Variants in NRF1 observed in about 807,000 individuals in gnomAD.
NRF1 encodes nuclear respiratory factor 1.
In NRF1, 5 loss-of-function variants were observed where a neutral mutation model predicts 58.5. The observed-to-expected ratio is 0.09, with a 90% CI of 0.04 to 0.18. The LOEUF is 0.18. NRF1 is among the 10% of genes least tolerant of loss of function. NRF1 has a pLI of 1.00. For synonymous variants in NRF1, 224 were observed against 246.7 expected (o/e 0.91, Z 0.86); for missense variants, 288 against 657.7 (o/e 0.44, Z 6.15).
intron 1 of NRF1, among the ~76,000 whole-genome samples, chr7:129,626,158 T>A (rs1462819883): frequency 6.6e-6 from 1 of 152,184 alleles, no homozygotes; most frequent in Non-Finnish European, 1.5e-5. Flanking sequence ...ATAATGCCTT[T>A]ATTATTGATT....
chr7:129,686,217 C>A (rs12538553), intron 4 of NRF1, among the ~76,000 whole-genome samples: 23,292 of 151,802 alleles, frequency 0.15, 1,906 homozygotes, highest in African/African-American at 0.22. Context: ...CAAAGTTGCT[C>A]AGTATAGGAC....
chr7:129,679,598 C>T (rs1802260110), intron 4 of NRF1, among the ~76,000 whole-genome samples: 1 of 150,986 alleles, frequency 6.6e-6, no homozygotes, highest in Non-Finnish European at 1.5e-5. Context: ...TGGCACATGC[C>T]TGTAGTCCCA....
intron 1 of NRF1, among the ~76,000 whole-genome samples, chr7:129,648,481 G>T (rs529528280): frequency 1.3e-4 from 19 of 151,844 alleles, no homozygotes; most frequent in Middle Eastern, 6.8e-3. Context: ...GGGTTTCACC[G>T]TGTTAGCCAG....
Position 129,755,031 on chromosome 7 carries a change from C to T in NRF1, c.1362C>T (p.Ile454=). The part of the protein sequence containing the change: ...GVQDANGLVQ[I]PVSMYQTVVT... ...TTGTCTCTCCAGGCCTGGTCCAGATCCCTGTGAGCATGTACCAGACTGTGG... is the reference window on the plus strand; with the variant it reads ...TTGTCTCTCCAGGCCTGGTCCAGATTCCTGTGAGCATGTACCAGACTGTGG... The change falls in exon 11 of 11, where the codon ATC becomes ATT. Residue 454 remains isoleucine (I), a synonymous_variant. Transcript: ENST00000393232. The surrounding 1 kb of genome is among the most constrained non-coding windows in gnomAD (Gnocchi z 5.8). The T allele has an allele frequency of 6.2e-7, 1 of 1,611,092 alleles. No individual in the cohort carries two copies. Among genetic ancestry groups the T allele is most frequent in the Non-Finnish European group, 8.5e-7 (1 of 1,178,920 alleles).
rs574140854 is a variant in NRF1, at chr7:129,711,276, T to C, written c.964-199T>C. Among the ~76,000 whole-genome samples the C allele has an allele frequency of 3.3e-5, 5 of 152,326 alleles. No homozygotes were observed. The South Asian group carries it at 8.3e-4, about 25-fold the overall frequency. On this transcript the variant is annotated intron_variant, in intron 7 of 10. Coordinates refer to ENST00000393232, the MANE Select transcript of NRF1 (RefSeq NM_005011.5). ...TGATAGCTTTTCTCATATGGACTTATTTGGTTGAAGTAAAATTCTGAAACT... is the reference window on the plus strand; with the variant it reads ...TGATAGCTTTTCTCATATGGACTTACTTGGTTGAAGTAAAATTCTGAAACT...
chr7:129,682,159 G>C (rs1802329114), intron 4 of NRF1, among the ~76,000 whole-genome samples: 1 of 150,850 alleles, frequency 6.6e-6, no homozygotes, highest in Non-Finnish European at 1.5e-5. Flanking sequence ...AAGGAAAAAA[G>C]ATAGTTAAAA....
chr7:129,744,199 C>A, intron 10 of NRF1: 1 of 1,542,778 alleles, frequency 6.5e-7, no homozygotes, highest in South Asian at 1.2e-5. Flanking sequence ...TCGTGCAGGT[C>A]GCAAGTGGAT....
chr7:129,634,059 T>TACACACAC lies in NRF1; in HGVS notation c.-7+22236_-7+22237insCACACACA, dbSNP rs1358874411. The stretch of plus-strand genomic sequence containing the variant: ...AAAAAAAAAGATATATATATATATA[T>TACACACAC]ATACACACACACACACACACACACA... On this transcript the variant is annotated intron_variant, in intron 1 of 10. Coordinates refer to ENST00000393232, the MANE Select transcript of NRF1 (RefSeq NM_005011.5). Among the ~76,000 whole-genome samples, 837 of 124,754 alleles carry TACACACAC rather than the reference T, an allele frequency of 6.7e-3. 4 individuals carry two copies. The highest frequency in any genetic ancestry group is 0.02 in the Middle Eastern group (5 of 244). 81.8% of individuals were successfully genotyped at this position (124,754 alleles called of 152,430 possible).
intron 4 of NRF1, among the ~76,000 whole-genome samples, chr7:129,688,785 A>G (rs1272977618): frequency 6.6e-6 from 1 of 152,162 alleles, no homozygotes; most frequent in East Asian, 1.9e-4. Flanking sequence ...AGAACTCACT[A>G]TCACGAGAAC....
At chr7:129,615,085 T>C (rs953481883) in intron 1 of NRF1, among the ~76,000 whole-genome samples, 3 of 152,218 alleles carry the variant, frequency 2.0e-5, no homozygotes, top group Non-Finnish European at 2.9e-5. Context: ...AAATTAAAAT[T>C]TTTCCCTGAG....
chr7:129,677,275 A>G (rs1355146371), intron 3 of NRF1, among the ~76,000 whole-genome samples: 1 of 152,086 alleles, frequency 6.6e-6, no homozygotes, highest in Admixed American at 6.5e-5. Context: ...TGGCCTCCCA[A>G]AGTGCTGGGA....
At chr7:129,668,197 A>G (rs192208065) in intron 2 of NRF1, among the ~76,000 whole-genome samples, 77 of 152,014 alleles carry the variant, frequency 5.1e-4, no homozygotes, top group African/African-American at 1.6e-3. Flanking sequence ...ACTTTTTTTT[A>G]TCTTTCTGAC....
chr7:129,707,115 T>C (rs1802967568), intron 5 of NRF1, among the ~76,000 whole-genome samples: 1 of 152,096 alleles, frequency 6.6e-6, no homozygotes, highest in African/African-American at 2.4e-5. Flanking sequence ...TGCCTCAGCC[T>C]CTCTAGTAGC....
At chr7:129,681,067 A>G (rs1158295346) in intron 4 of NRF1, among the ~76,000 whole-genome samples, 1 of 152,208 alleles carries the variant, frequency 6.6e-6, no homozygotes, top group Non-Finnish European at 1.5e-5. Flanking sequence ...TTATCCAGGT[A>G]GGCCCTAAAT....
intron 3 of NRF1, among the ~76,000 whole-genome samples, chr7:129,675,847 G>GTCA (rs1802165391): frequency 6.6e-6 from 1 of 152,172 alleles, no homozygotes; most frequent in Non-Finnish European, 1.5e-5. Flanking sequence ...TAACAAGAGA[G>GTCA]TCAACCTGTC....
chr7:129,697,184 C>T (rs1272315913), intron 5 of NRF1, among the ~76,000 whole-genome samples: 1 of 143,312 alleles, frequency 7.0e-6, no homozygotes, highest in Non-Finnish European at 1.6e-5. Context: ...AGTGAGACAA[C>T]ACAGGTGGCT....
chr7:129,745,511 C>A (rs1486967265), intron 10 of NRF1, among the ~76,000 whole-genome samples: 3 of 149,234 alleles, frequency 2.0e-5, no homozygotes, highest in Non-Finnish European at 4.5e-5. Flanking sequence ...CCTCAACCCC[C>A]CCCCCATCCA....
intron 9 of NRF1, among the ~76,000 whole-genome samples, chr7:129,723,375 A>G (rs1335506095): frequency 1.3e-5 from 2 of 151,862 alleles, no homozygotes; most frequent in African/African-American, 4.8e-5. Context: ...CCTGGGAGGC[A>G]GAGGTTGCGG....
intron 9 of NRF1, 43 bp from the exon 10 acceptor site, chr7:129,727,198 G>A (rs1584676617): frequency 6.5e-7 from 1 of 1,539,812 alleles, no homozygotes; most frequent in Non-Finnish European, 8.7e-7. Flanking sequence ...CTGCAGTGCT[G>A]TTCCTCTATT....
Sources: gnomAD v4.1 joint callset for allele counts (sites outside exome capture counted in the v4.1 genomes callset) on GRCh38, gnomAD v4.1.1 for gene constraint, Gnocchi (gnomAD v3.1) non-coding constraint, MANE v1.5 for transcripts, NCBI Gene and HGNC (gene_info 2026-07-23, HGNC 2026-07-21) for gene names.